Variants in MDGA2 observed in about 807,000 individuals in gnomAD.
The protein encoded by MDGA2 is MAM domain-containing glycosylphosphatidylinositol anchor protein 2.
A neutral mutation model predicts 117.8 loss-of-function variants in MDGA2; 40 were observed. That is an observed-to-expected ratio of 0.34 (90% confidence interval 0.26 to 0.44). The LOEUF (loss-of-function observed/expected upper bound fraction) is 0.44. Among genes scored for constraint, MDGA2 ranks in the 20% least tolerant of loss-of-function variants. MDGA2 has a pLI of 1.00. For synonymous variants in MDGA2, 452 were observed against 439.0 expected (o/e 1.03, Z -0.37); for missense variants, 1,123 against 1,250.6 (o/e 0.90, Z 1.54).
intron 1 of MDGA2, among the ~76,000 whole-genome samples, chr14:47,512,057 G>C (rs977172590): frequency 6.6e-6 from 1 of 152,112 alleles, no homozygotes; most frequent in Non-Finnish European, 1.5e-5. Context: ...TCTTTGTCAA[G>C]GATCACAGAG....
At chr14:47,029,785 T>C (rs1888596583) in intron 8 of MDGA2, among the ~76,000 whole-genome samples, 1 of 152,112 alleles carries the variant, frequency 6.6e-6, no homozygotes, top group Non-Finnish European at 1.5e-5. Context: ...AACAATACTT[T>C]CTTTTAGGAA....
chr14:47,442,029 T>A (rs10147666), intron 1 of MDGA2, among the ~76,000 whole-genome samples: 2 of 133,302 alleles, frequency 1.5e-5, no homozygotes, highest in Admixed American at 7.3e-5. Flanking sequence ...TGCAGTCTAG[T>A]GAAGAAAAGA....
At chr14:47,114,022 C>T (rs1452907065) in intron 5 of MDGA2, among the ~76,000 whole-genome samples, 1 of 152,116 alleles carries the variant, frequency 6.6e-6, no homozygotes, top group Non-Finnish European at 1.5e-5. Context: ...CATCTCACCC[C>T]TAATGCTTCT....
intron 2 of MDGA2, among the ~76,000 whole-genome samples, chr14:47,299,033 T>G (rs1261567509): frequency 1.3e-5 from 2 of 152,106 alleles, no homozygotes; most frequent in Non-Finnish European, 2.9e-5. Flanking sequence ...CTGATTCACC[T>G]GCAAACACCT....
intron 1 of MDGA2, among the ~76,000 whole-genome samples, chr14:47,502,774 C>T (rs1894425644): frequency 6.6e-6 from 1 of 152,002 alleles, no homozygotes; most frequent in Non-Finnish European, 1.5e-5. Context: ...CATCTGGACT[C>T]AAGCAATCCT....
rs1007006351 is a variant in MDGA2, at chr14:47,164,169, T to C, written c.596-19895A>G. 3.3e-5 allele frequency among the ~76,000 whole-genome samples: 5 copies of C among 152,186 alleles called. No individual in the cohort carries two copies. The East Asian group carries it at 9.6e-4, about 29-fold the overall frequency. On this transcript the variant is annotated intron_variant, in intron 3 of 16. Coordinates refer to ENST00000399232, the MANE Select transcript of MDGA2 (RefSeq NM_001113498.3). Reference sequence around the variant, plus strand: ...GAACAGTTTATTAAATGAGTATTAATCAATAGATATAGCTATAAATTAACT... The same window carrying C: ...GAACAGTTTATTAAATGAGTATTAACCAATAGATATAGCTATAAATTAACT...
chr14:47,559,622 G>A (rs1196694729), intron 1 of MDGA2, among the ~76,000 whole-genome samples: 1 of 150,822 alleles, frequency 6.6e-6, no homozygotes, highest in East Asian at 2.0e-4. Flanking sequence ...GCCCAGGCTG[G>A]AGTGCAATGG....
At chr14:46,978,739 C>T (rs2226107) in intron 8 of MDGA2, among the ~76,000 whole-genome samples, 16,590 of 152,002 alleles carry the variant, frequency 0.11, 1,712 homozygotes, top group African/African-American at 0.24. Flanking sequence ...TATAGAATCC[C>T]TATTATAAAA....
rs183504936 is a variant in MDGA2, at chr14:46,923,189, T to G, written c.2090-3029A>C. 2.2e-3 allele frequency among the ~76,000 whole-genome samples: 331 copies of G among 152,322 alleles called. 4 individuals carry two copies. The highest frequency in any genetic ancestry group is 8.9e-3 in the South Asian group (43 of 4,832). ...CTAACCCATTAAAATATTGCAAATA[T>G]ATCAAATTTCACTATAAAACGTTAT... is the stretch of plus-strand genomic sequence containing the variant. On this transcript the variant is annotated intron_variant, in intron 9 of 16. Transcript: ENST00000399232.
At chr14:47,659,370 C>A (rs1050830344) in intron 1 of MDGA2, among the ~76,000 whole-genome samples, 2 of 152,162 alleles carry the variant, frequency 1.3e-5, no homozygotes, top group Admixed American at 6.5e-5. Context: ...GGGAGGGTGA[C>A]AGCTATGTAA....
chr14:47,359,431 G>A (rs191745017), intron 1 of MDGA2, among the ~76,000 whole-genome samples: 1 of 151,880 alleles, frequency 6.6e-6, no homozygotes, highest in Non-Finnish European at 1.5e-5. Flanking sequence ...CTATTGTGCT[G>A]CCATAAAAAC....
intron 2 of MDGA2, among the ~76,000 whole-genome samples, chr14:47,279,134 G>C (rs968978498): frequency 4.6e-5 from 7 of 152,058 alleles, no homozygotes; most frequent in African/African-American, 1.7e-4. Flanking sequence ...ACACTGAAAT[G>C]AAATTGTGGT....
At position 46,994,600 on chromosome 14, in the gene MDGA2, AAC is replaced by A. The variant is rs1332356712; in HGVS notation, c.1820-36959_1820-36958del. Among the ~76,000 whole-genome samples, 3 of 152,234 alleles carry A rather than the reference AAC, an allele frequency of 2.0e-5. No individual in the cohort carries two copies. In the East Asian group the frequency reaches 5.8e-4, roughly 29 times the overall value. On this transcript the variant is annotated intron_variant, in intron 8 of 16. Transcript: ENST00000399232. ...CAGTCCACACATAAAAATGAACATC[AAC>A]AGACCAAACCGTAGATTAATAAATA...
At chr14:47,058,695 A>T in intron 7 of MDGA2, 1 of 985,316 alleles carries the variant, frequency 1.0e-6, no homozygotes, top group East Asian at 1.1e-4. Flanking sequence ...GCATTCTAGT[A>T]TTCCACTCTA....
chr14:47,245,792 C>G (rs1456736787), intron 2 of MDGA2, among the ~76,000 whole-genome samples: 1 of 151,692 alleles, frequency 6.6e-6, no homozygotes, highest in East Asian at 1.9e-4. Flanking sequence ...TGGAAATTCA[C>G]TCAAATAGGA....
At chr14:47,106,456 A>C (rs1329140632) in intron 5 of MDGA2, among the ~76,000 whole-genome samples, 1 of 151,900 alleles carries the variant, frequency 6.6e-6, no homozygotes, top group Non-Finnish European at 1.5e-5. Context: ...AGCTTGCTAC[A>C]TGTGCCGGAA....
At chr14:47,205,102 GTA>G (rs1052674365) in intron 3 of MDGA2, among the ~76,000 whole-genome samples, 9 of 151,748 alleles carry the variant, frequency 5.9e-5, no homozygotes, top group African/African-American at 1.9e-4. Flanking sequence ...GTCTGTACGT[GTA>G]TATGTGTGTT....
chr14:47,466,589 G>C (rs902101086), intron 1 of MDGA2, among the ~76,000 whole-genome samples: 1 of 152,094 alleles, frequency 6.6e-6, no homozygotes, highest in Non-Finnish European at 1.5e-5. Flanking sequence ...ATACAGGGAT[G>C]TCCATGGGAT....
At chr14:47,154,149 G>A (rs1883273385) in intron 3 of MDGA2, among the ~76,000 whole-genome samples, 1 of 152,172 alleles carries the variant, frequency 6.6e-6, no homozygotes, top group South Asian at 2.1e-4. Flanking sequence ...ATTAAGCAGA[G>A]AGAGTTTGTT....
Sources: allele counts gnomAD v4.1 joint callset (sites outside exome capture counted in the v4.1 genomes callset), GRCh38; gene constraint gnomAD v4.1.1; transcripts MANE v1.5; gene names NCBI Gene and HGNC (gene_info 2026-07-23, HGNC 2026-07-21).